Variants in NRXN3 observed in about 807,000 individuals in gnomAD.
NRXN3 encodes the protein neurexin 3, also known as neurexin III.
A neutral mutation model predicts 137.6 loss-of-function variants in NRXN3; 32 were observed. The ratio of observed to expected loss-of-function variants is 0.23; its 90% CI spans 0.18 to 0.31. The LOEUF (loss-of-function observed/expected upper bound fraction) is 0.31, where lower values mean the gene tolerates loss of function less well. Ranked by LOEUF, NRXN3 falls within the 10% of genes least tolerant of loss-of-function variation. The pLI, the probability that NRXN3 is intolerant of heterozygous loss-of-function variation, is 1.00. For synonymous variants in NRXN3, 798 were observed against 784.5 expected (o/e 1.02, Z -0.29); for missense variants, 1,574 against 2,062.5 (o/e 0.76, Z 4.59).
At chr14:79,658,340 G>A (rs930296951) in intron 16 of NRXN3, among the ~76,000 whole-genome samples, 1 of 152,176 alleles carries the variant, frequency 6.6e-6, no homozygotes, top group South Asian at 2.1e-4. Flanking sequence ...AACACTTGGT[G>A]CTATAAAGCA....
chr14:78,357,688 C>G (rs977975903), intron 4 of NRXN3, among the ~76,000 whole-genome samples: 2 of 152,114 alleles, frequency 1.3e-5, no homozygotes, highest in African/African-American at 4.8e-5. Context: ...AATAGTTAAG[C>G]TAGGTGATTT....
At chr14:78,764,820 C>T (rs888822608) in intron 8 of NRXN3, among the ~76,000 whole-genome samples, 3 of 152,038 alleles carry the variant, frequency 2.0e-5, no homozygotes, top group African/African-American at 7.2e-5. Flanking sequence ...ACCATTAGAC[C>T]TTGCTCAGCG....
chr14:78,888,116 A>G (rs2099148748), intron 10 of NRXN3, among the ~76,000 whole-genome samples: 1 of 152,066 alleles, frequency 6.6e-6, no homozygotes, highest in African/African-American at 2.4e-5. Flanking sequence ...CAGAAAGAAC[A>G]TTTGTGCCTA....
chr14:78,377,165 A>G (rs1280257218), intron 4 of NRXN3, among the ~76,000 whole-genome samples: 3 of 152,268 alleles, frequency 2.0e-5, no homozygotes, highest in Non-Finnish European at 2.9e-5. Flanking sequence ...TGTGTTATCT[A>G]TGAGAAATAC....
intron 1 of NRXN3, among the ~76,000 whole-genome samples, chr14:78,194,985 C>G (rs8010140): frequency 0.87 from 131,837 of 152,146 alleles, 57,313 homozygotes; most frequent in East Asian, 0.91. Context: ...GGGAGGCTCT[C>G]TTGCTCAGAC....
chr14:78,425,636 A>G (rs1381954042), intron 4 of NRXN3, among the ~76,000 whole-genome samples: 1 of 152,138 alleles, frequency 6.6e-6, no homozygotes, highest in Non-Finnish European at 1.5e-5. Flanking sequence ...AAACGTTCTT[A>G]GTAGCTTTCT....
chr14:78,352,897 T>C (rs2083745222), intron 4 of NRXN3, among the ~76,000 whole-genome samples: 1 of 152,106 alleles, frequency 6.6e-6, no homozygotes, highest in African/African-American at 2.4e-5. Flanking sequence ...GCTGTTTTGC[T>C]CCCCTCAAAT....
intron 8 of NRXN3, among the ~76,000 whole-genome samples, chr14:78,743,964 T>G (rs890119149): frequency 5.9e-5 from 9 of 152,158 alleles, no homozygotes; most frequent in African/African-American, 2.2e-4. Context: ...GAACACTCCA[T>G]TGTGGACAAT....
chr14:78,196,260 A>G (rs956552213), intron 1 of NRXN3, among the ~76,000 whole-genome samples: 4 of 152,252 alleles, frequency 2.6e-5, no homozygotes, highest in Non-Finnish European at 5.9e-5. Flanking sequence ...CTATTTGCCA[A>G]TGTTTGGCCA....
intron 6 of NRXN3, among the ~76,000 whole-genome samples, chr14:78,663,044 A>G (rs1341630298): frequency 3.3e-5 from 5 of 152,202 alleles, no homozygotes; most frequent in African/African-American, 1.2e-4. Flanking sequence ...GTTCTCACAA[A>G]AAAGCTTATG....
At chr14:79,608,182 A>G (rs778995338) in intron 16 of NRXN3, among the ~76,000 whole-genome samples, 3 of 152,186 alleles carry the variant, frequency 2.0e-5, no homozygotes, top group Non-Finnish European at 4.4e-5. Context: ...TGTAATGAGG[A>G]TTCTGGAAAG....
intron 16 of NRXN3, among the ~76,000 whole-genome samples, chr14:79,501,668 A>G (rs1293381187): frequency 6.6e-6 from 1 of 152,080 alleles, no homozygotes; most frequent in Non-Finnish European, 1.5e-5. Context: ...TCCAATTATT[A>G]CATTCTTCCT....
intron 10 of NRXN3, among the ~76,000 whole-genome samples, chr14:78,843,672 A>G (rs1251866706): frequency 6.6e-6 from 1 of 152,094 alleles, no homozygotes; most frequent in Non-Finnish European, 1.5e-5. Context: ...TTCCTTGGGT[A>G]ATTCCATTTC....
intron 15 of NRXN3, among the ~76,000 whole-genome samples, chr14:79,242,779 C>A (rs1341207284): frequency 2.5e-4 from 38 of 152,128 alleles, no homozygotes; most frequent in Admixed American, 2.5e-3. Flanking sequence ...ACCCAAGGAT[C>A]CTGTTACAGC....
At chr14:79,535,974 A>G (rs1449688440) in intron 16 of NRXN3, among the ~76,000 whole-genome samples, 1 of 152,172 alleles carries the variant, frequency 6.6e-6, no homozygotes, top group East Asian at 1.9e-4. Context: ...GTGGAATAAG[A>G]TACCTTCAAC....
At chr14:78,390,260 T>C (rs1471898517) in intron 4 of NRXN3, among the ~76,000 whole-genome samples, 1 of 152,204 alleles carries the variant, frequency 6.6e-6, no homozygotes, top group Non-Finnish European at 1.5e-5. Context: ...TACCTATTTT[T>C]GTAAATAAAG....
At chr14:78,389,286 C>T (rs2153639276) in intron 4 of NRXN3, among the ~76,000 whole-genome samples, 1 of 152,206 alleles carries the variant, frequency 6.6e-6, no homozygotes, top group Admixed American at 6.5e-5. Context: ...GAACTCCTCA[C>T]CTCAGGTGAT....
Position 78,695,046 on chromosome 14 carries a change from C to T in NRXN3, c.1222-14171C>T, listed in dbSNP as rs533704109. Reference sequence around the variant, plus strand: ...AAAGGTGTTAACAGGGCTGCATGTCCTCTTAAATGTCAAGGAGAGAATCTG... The same window carrying T: ...AAAGGTGTTAACAGGGCTGCATGTCTTCTTAAATGTCAAGGAGAGAATCTG... On this transcript the variant is annotated intron_variant, in intron 6 of 20. Transcript: ENST00000335750. Among the ~76,000 whole-genome samples the T allele has an allele frequency of 2.0e-4, 30 of 152,116 alleles. 1 individual carries two copies. Among genetic ancestry groups the T allele is most frequent in the African/African-American group, 7.2e-4 (30 of 41,498 alleles).
chr14:79,087,888 T>A (rs1189001341), intron 15 of NRXN3, among the ~76,000 whole-genome samples: 1 of 152,200 alleles, frequency 6.6e-6, no homozygotes, highest in African/African-American at 2.4e-5. Flanking sequence ...ATGCTTTCAG[T>A]TGCACTTGGA....
Sources: gnomAD v4.1 joint callset for allele counts (sites outside exome capture counted in the v4.1 genomes callset) on GRCh38, gnomAD v4.1.1 for gene constraint, MANE v1.5 for transcripts, NCBI Gene and HGNC (gene_info 2026-07-23, HGNC 2026-07-21) for gene names.